Variants in ANK1 observed in about 807,000 individuals in gnomAD.
ANK1 encodes the protein ankyrin-1.
ANK1 carries 51 observed loss-of-function variants against 210.4 expected under a neutral mutation model. The ratio of observed to expected loss-of-function variants is 0.24; its 90% CI spans 0.19 to 0.31. The LOEUF is 0.31. Among genes scored for constraint, ANK1 ranks in the 10% least tolerant of loss-of-function variants. The pLI is 1.00. For missense variants in ANK1, 2,051 were observed against 2,504.4 expected (o/e 0.82, Z 3.86); for synonymous variants, 967 against 1,025.9 (o/e 0.94, Z 1.10).
At chr8:41,675,741 AT>A (rs1813914951) in intron 37 of ANK1, among the ~76,000 whole-genome samples, 1 of 152,074 alleles carries the variant, frequency 6.6e-6, no homozygotes, top group Non-Finnish European at 1.5e-5. Context: ...CTTCTTTGTA[AT>A]CTCTCCCTGC....
intron 1 of ANK1, among the ~76,000 whole-genome samples, chr8:41,815,135 C>A (rs1803115391): frequency 1.3e-5 from 2 of 152,030 alleles, no homozygotes; most frequent in Admixed American, 1.3e-4. Context: ...GACATGAGAT[C>A]TTAAAGGCAA....
At chr8:41,767,675 G>A (rs1224750150) in intron 1 of ANK1, among the ~76,000 whole-genome samples, 1 of 152,058 alleles carries the variant, frequency 6.6e-6, no homozygotes, top group Non-Finnish European at 1.5e-5. Flanking sequence ...GCGGGGGCGC[G>A]GGCGGGGGTG....
At chr8:41,699,704 C>T (rs1308839312) in intron 22 of ANK1, among the ~76,000 whole-genome samples, 156 bp from the exon 23 acceptor site, 1 of 152,288 alleles carries the variant, frequency 6.6e-6, no homozygotes, top group Non-Finnish European at 1.5e-5. Context: ...ATGTCTTTGC[C>T]CAGTCCTGGT....
At chr8:41,706,704 G>A (rs1380247941) in intron 17 of ANK1, among the ~76,000 whole-genome samples, 4 of 152,302 alleles carry the variant, frequency 2.6e-5, no homozygotes, top group East Asian at 3.9e-4. Flanking sequence ...TGTAGCCTTG[G>A]TTTCCTAATC....
intron 1 of ANK1, among the ~76,000 whole-genome samples, chr8:41,884,828 T>C (rs767592579): frequency 1.3e-5 from 2 of 151,960 alleles, no homozygotes; most frequent in African/African-American, 2.4e-5. Context: ...TGAGACCTTG[T>C]CTCAAAATAA....
rs1359728009 is a variant in ANK1 at position 41,704,661 on chromosome 8, G to C, written c.2098-189C>G. On this transcript the variant is annotated intron_variant, in intron 18 of 42. Transcript: ENST00000289734. The surrounding 1 kb of genome is among the most constrained non-coding windows in gnomAD (Gnocchi z 4.1). ...GATGCTTGTGGGAGACCCAAGGGGA[G>C]ACGTCAAGCGGGCAACTGGAAAATG... Among the ~76,000 whole-genome samples, 1 of 152,196 alleles carries C rather than the reference G, an allele frequency of 6.6e-6. No individual in the cohort carries two copies. Among genetic ancestry groups the C allele is most frequent in the East Asian group, 1.9e-4 (1 of 5,194 alleles).
intron 16 of ANK1, among the ~76,000 whole-genome samples, chr8:41,713,156 G>A (rs898823162): frequency 2.0e-5 from 3 of 152,250 alleles, no homozygotes; most frequent in East Asian, 1.9e-4. Flanking sequence ...GTCCCACCCC[G>A]AGGCTCCTTC....
rs1248277832 is a variant in ANK1 at position 41,654,950 on chromosome 8, C to T, written c.*840G>A. ...GGGTCCTCGCCTCAGATTCTTAAGT[C>T]CCTAACACAAGGAACCCCGAATGCA... On this transcript the variant is annotated 3_prime_UTR_variant, in exon 43 of 43. Coordinates refer to ENST00000289734, the MANE Select transcript of ANK1 (RefSeq NM_000037.4). 1 of 152,552 alleles carries T rather than the reference C, an allele frequency of 6.6e-6. No homozygotes were observed. Among genetic ancestry groups the T allele is most frequent in the Admixed American group, 6.6e-5 (1 of 15,264 alleles). The allele number at this position is 152,552 out of a possible 1,614,324, so 9.4% of individuals were successfully genotyped here.
chr8:41,887,176 T>C (rs1818593157), intron 1 of ANK1, among the ~76,000 whole-genome samples: 1 of 152,086 alleles, frequency 6.6e-6, no homozygotes, highest in South Asian at 2.1e-4. Context: ...CTCTGCTTTT[T>C]CTTTCTGTGT....
At chr8:41,711,160 G>A (rs573828858) in intron 16 of ANK1, among the ~76,000 whole-genome samples, 2 of 152,302 alleles carry the variant, frequency 1.3e-5, no homozygotes, top group Admixed American at 6.5e-5. Context: ...GTGCGATGCC[G>A]CAGATCCAGC....
At chr8:41,679,649 G>A (rs1042332137) in intron 37 of ANK1, among the ~76,000 whole-genome samples, 1 of 133,392 alleles carries the variant, frequency 7.5e-6, no homozygotes, top group Admixed American at 8.9e-5. Flanking sequence ...TGCAAGCTCC[G>A]CCTCCCGGGT....
chr8:41,715,809 T>A lies in ANK1; in HGVS notation c.1445A>T (p.His482Leu), dbSNP rs761484945. The change falls in exon 14 of 43, where the codon CAC (histidine) becomes CTC (leucine). Residue 482 changes from histidine (H) to leucine (L), a missense_variant. Coordinates refer to ENST00000289734, the MANE Select transcript of ANK1 (RefSeq NM_000037.4). ...TPLHCAARIGHTNMVKLLLEN... is the reference protein window; with the variant it reads ...TPLHCAARIGLTNMVKLLLEN... ...CAGCAGGAGCTTCACCATGTTTGTGTGGCCGATGCGAGCTGCACAGTGAAG... is the reference window on the plus strand; with the variant it reads ...CAGCAGGAGCTTCACCATGTTTGTGAGGCCGATGCGAGCTGCACAGTGAAG... 1 of 1,614,198 alleles carries A rather than the reference T, an allele frequency of 6.2e-7. No individual in the cohort carries two copies. The highest frequency in any genetic ancestry group is 1.1e-5 in the South Asian group (1 of 91,076).
At chr8:41,896,060 G>A (rs1251418083) in intron 1 of ANK1, among the ~76,000 whole-genome samples, 1 of 152,214 alleles carries the variant, frequency 6.6e-6, no homozygotes, top group Admixed American at 6.5e-5. Flanking sequence ...CGGGCCTGCC[G>A]GGTGCTGTCC....
rs779402425 is a variant in ANK1, at chr8:41,681,733, GC to G, written c.4537+2810del. On this transcript the variant is annotated intron_variant, in intron 37 of 42. Transcript: ENST00000289734. ...GCAGAGAAGCTGCAGAGCCTGTAGT[GC>G]CCCCCCACCCCCCTTAGACCTCTGA... is the stretch of plus-strand genomic sequence containing the variant. 7.4e-5 allele frequency among the ~76,000 whole-genome samples: 11 copies of G among 148,874 alleles called. No homozygotes were observed. In the East Asian group the frequency reaches 7.9e-4, roughly 11 times the overall value.
chr8:41,890,193 A>G (rs1459242263), intron 1 of ANK1, among the ~76,000 whole-genome samples: 1 of 152,240 alleles, frequency 6.6e-6, no homozygotes, highest in Non-Finnish European at 1.5e-5. Flanking sequence ...TTATTATCTC[A>G]TTTGATCTTC....
At chr8:41,774,366 GA>G (rs1843572601) in intron 1 of ANK1, among the ~76,000 whole-genome samples, 2 of 152,216 alleles carry the variant, frequency 1.3e-5, no homozygotes, top group African/African-American at 4.8e-5. Context: ...AGTCAACTCA[GA>G]TTTCTAAATG....
At position 41,692,726 on chromosome 8, in the gene ANK1, G is replaced by A; in HGVS notation, c.3780C>T (p.Cys1260=). Residue 1260 remains cysteine, a synonymous_variant, in exon 31 of 43, where the codon TGC becomes TGT. Transcript: ENST00000289734. ...DPREGRLRCY[C]MTDDKVDKTL... ...TCTTGTCCACTTTATCATCTGTCATGCAGTAGCAGCGCAGGCGCCCCTCTC... is the reference window on the plus strand; with the variant it reads ...TCTTGTCCACTTTATCATCTGTCATACAGTAGCAGCGCAGGCGCCCCTCTC... 6.2e-7 allele frequency: 1 copy of A among 1,614,052 alleles called. No individual in the cohort carries two copies. Among genetic ancestry groups the A allele is most frequent in the Non-Finnish European group, 8.5e-7 (1 of 1,180,022 alleles).
intron 39 of ANK1, chr8:41,665,635 C>T: frequency 3.8e-6 from 1 of 260,042 alleles, no homozygotes; most frequent in South Asian, 4.3e-5. Context: ...AGGGATGAGA[C>T]CAGCTAATAC....
chr8:41,888,453 G>A (rs758111335), intron 1 of ANK1, among the ~76,000 whole-genome samples: 1 of 152,226 alleles, frequency 6.6e-6, no homozygotes, highest in Non-Finnish European at 1.5e-5. Flanking sequence ...AGAGAGCTGC[G>A]GAGCAAGAGC....
Sources: gnomAD v4.1 joint callset for allele counts (sites outside exome capture counted in the v4.1 genomes callset) on GRCh38, gnomAD v4.1.1 for gene constraint, Gnocchi (gnomAD v3.1) non-coding constraint, MANE v1.5 for transcripts, NCBI Gene and HGNC (gene_info 2026-07-23, HGNC 2026-07-21) for gene names.